ENPP1: variants seen among roughly 807,000 people sequenced by gnomAD.
ENPP1 encodes the protein ectonucleotide pyrophosphatase/phosphodiesterase 1.
ENPP1 carries 73 observed loss-of-function variants against 122.8 expected under a neutral mutation model. The observed-to-expected ratio is 0.59, with a 90% confidence interval of 0.49 to 0.72. ENPP1 has a LOEUF of 0.72. Among genes scored for constraint, ENPP1 ranks in the 30% least tolerant of loss-of-function variants. The pLI, the probability that ENPP1 is intolerant of heterozygous loss-of-function variation, is 0.00. For synonymous variants in ENPP1, 367 were observed against 391.6 expected, an observed-to-expected ratio of 0.94 and a Z score of 0.74; for missense variants, 978 against 1,128.1, an observed-to-expected ratio of 0.87 and a Z score of 1.91.
intron 14 of ENPP1, 43 bp downstream of exon 14, chr6:131,872,144 G>T (rs747540350): frequency 7.6e-7 from 1 of 1,318,016 alleles, no homozygotes; most frequent in Non-Finnish European, 1.1e-6. Flanking sequence ...TTTTACTTTT[G>T]TATAATATAT....
chr6:131,892,593 C>T lies in ENPP1; in HGVS notation c.*2082C>T, dbSNP rs1244529422. The T allele has an allele frequency of 6.6e-6, 1 of 152,200 alleles. No homozygotes were observed. The highest frequency in any genetic ancestry group is 1.5e-5 in the Non-Finnish European group (1 of 68,064). 9.4% of individuals were successfully genotyped at this position (152,200 alleles called of 1,614,324 possible). On this transcript the variant is annotated 3_prime_UTR_variant, in exon 25 of 25. Transcript: ENST00000647893. ...TAGCCTACACAGCCTTCTCCGACAC[C>T]ACTCTGGAGTTGTATTCTTCCAGCA...
intron 17 of ENPP1, among the ~76,000 whole-genome samples, chr6:131,876,311 T>C (rs189023237): frequency 3.3e-5 from 5 of 152,086 alleles, no homozygotes; most frequent in Non-Finnish European, 5.9e-5. Context: ...AGATTCTTGG[T>C]TTACTTTGTA....
At position 131,885,056 on chromosome 6, in the gene ENPP1, C is replaced by T. The variant is rs1585843981; in HGVS notation, c.2437C>T (p.Leu813=). The T allele has an allele frequency of 3.1e-6, 5 of 1,613,924 alleles. No homozygotes were observed. In the East Asian group the frequency reaches 1.1e-4, roughly 36 times the overall value. The change falls in exon 23 of 25, where the codon CTG becomes TTG. Residue 813 remains leucine (L), a synonymous_variant. Transcript: ENST00000647893. ...TGGACGTTGTGATTCCTTAGAGAAT[C>T]TGAGGCAGTAAGAACATATTTCATT... ...YDGRCDSLEN[L]RQKRRVIRNQ... is the part of the protein sequence containing the mutation.
chr6:131,846,367 C>T (rs530916192), intron 1 of ENPP1, among the ~76,000 whole-genome samples: 2 of 152,306 alleles, frequency 1.3e-5, no homozygotes, highest in East Asian at 3.9e-4. Context: ...TTATCTGCCA[C>T]CTTCCATGTG....
At chr6:131,852,093 A>G in intron 4 of ENPP1, 82 bp from the exon 5 acceptor site, 1 of 907,758 alleles carries the variant, frequency 1.1e-6, no homozygotes, top group Non-Finnish European at 1.8e-6. Flanking sequence ...TGTTTTTGGA[A>G]TCTGTCTTAA....
At chr6:131,860,294 C>T in intron 7 of ENPP1, 93 bp from the exon 8 acceptor site, 2 of 965,734 alleles carry the variant, frequency 2.1e-6, no homozygotes, top group Non-Finnish European at 3.2e-6. Context: ...CATGTAGCTT[C>T]AGTTATCGGT....
chr6:131,883,238 G>T (rs185482993), intron 21 of ENPP1, among the ~76,000 whole-genome samples: 1 of 152,180 alleles, frequency 6.6e-6, no homozygotes, highest in Non-Finnish European at 1.5e-5. Flanking sequence ...AAATAGACCA[G>T]GTCCAAGCCT....
rs1258312514 is a variant in ENPP1 at position 131,886,668 on chromosome 6, CTAGACACCT to C, written c.2555_2563del (p.Asp852_Leu854del). ...TCAGACGCCTTTGCACTGTGAAAAC[CTAGACACCT>C]TAGCTTTCATTTTGCCTCACAGGAC... On this transcript the variant is annotated inframe_deletion, in exon 24 of 25. Transcript: ENST00000647893. 1 of 1,614,036 alleles carries C rather than the reference CTAGACACCT, an allele frequency of 6.2e-7. No individual in the cohort carries two copies. The highest frequency in any genetic ancestry group is 1.7e-5 in the Admixed American group (1 of 60,026).
intron 18 of ENPP1, chr6:131,877,672 T>C (rs1210251357): frequency 6.5e-6 from 1 of 153,152 alleles, no homozygotes; most frequent in Non-Finnish European, 1.4e-5. Flanking sequence ...ATAAAAATAC[T>C]AGACAAGTTA....
rs1265548384 is a variant in ENPP1 at position 131,891,662 on chromosome 6, A to G, written c.*1151A>G. On this transcript the variant is annotated 3_prime_UTR_variant, in exon 25 of 25. Transcript: ENST00000647893. ...ATTTTTATATGTCCTTCGTGTGACC[A>G]TTCTTCAACGGCCTAAGGGCCAGCT... 6.6e-6 allele frequency: 1 copy of G among 151,878 alleles called. No homozygotes were observed. Among genetic ancestry groups the G allele is most frequent in the East Asian group, 1.9e-4 (1 of 5,176 alleles). 9.4% of individuals were successfully genotyped at this position (151,878 alleles called of 1,614,324 possible).
intron 15 of ENPP1, 58 bp downstream of exon 15, chr6:131,873,108 A>G: frequency 6.4e-7 from 1 of 1,573,124 alleles, no homozygotes; most frequent in East Asian, 2.2e-5. Context: ...ATTCAGGGTA[A>G]CCATTGGGCC....
rs1214036355 is a variant in ENPP1 at position 131,850,125 on chromosome 6, A to G, written c.430+19A>G. The stretch of plus-strand genomic sequence containing the variant: ...GAACCAGGTAAGGATGAGCAGGGAA[A>G]AAAGTGGAGTTATGGTCATTAGGAA... On this transcript the variant is annotated intron_variant, in intron 3 of 24. Transcript: ENST00000647893. 1 of 1,473,284 alleles carries G rather than the reference A, an allele frequency of 6.8e-7. No homozygotes were observed. The allele number at this position is 1,473,284 out of a possible 1,614,324, so 91.3% of individuals were successfully genotyped here.
At chr6:131,810,259 A>G (rs1781331843) in intron 1 of ENPP1, among the ~76,000 whole-genome samples, 1 of 152,160 alleles carries the variant, frequency 6.6e-6, no homozygotes, top group African/African-American at 2.4e-5. Flanking sequence ...TGGGAGGCTG[A>G]CATGGGAGGT....
At chr6:131,827,697 T>G (rs1197498851) in intron 1 of ENPP1, 1 of 661,378 alleles carries the variant, frequency 1.5e-6, no homozygotes, top group South Asian at 1.5e-5. Context: ...ATCTTCTCAC[T>G]TTTTCAAAGA....
chr6:131,882,506 T>G (rs1424950251), intron 21 of ENPP1, 32 bp downstream of exon 21: 1 of 1,558,670 alleles, frequency 6.4e-7, no homozygotes, highest in Admixed American at 1.7e-5. Flanking sequence ...CCTTCCCTTT[T>G]CTCCTTTTTG....
At chr6:131,847,697 C>T (rs750741300) in intron 1 of ENPP1, 79 bp from the exon 2 acceptor site, 3 of 1,006,430 alleles carry the variant, frequency 3.0e-6, no homozygotes, top group Middle Eastern at 3.0e-4. Flanking sequence ...CAGAGTAAGA[C>T]ACTATCTCTA....
chr6:131,862,991 C>A (rs1433025626), intron 9 of ENPP1, among the ~76,000 whole-genome samples: 1 of 152,004 alleles, frequency 6.6e-6, no homozygotes, highest in Non-Finnish European at 1.5e-5. Context: ...AATTCCTTCC[C>A]AAGGTTATTT....
intron 1 of ENPP1, among the ~76,000 whole-genome samples, chr6:131,814,631 T>C (rs904491381): frequency 6.6e-6 from 1 of 152,180 alleles, no homozygotes; most frequent in Non-Finnish European, 1.5e-5. Context: ...CTCTAGAATA[T>C]GGAAGGAAGA....
intron 11 of ENPP1, 66 bp from the exon 12 acceptor site, chr6:131,867,952 A>T (rs1782111784): frequency 1.0e-6 from 1 of 996,466 alleles, no homozygotes; most frequent in African/African-American, 1.6e-5. Flanking sequence ...TAACAGAGAT[A>T]GCTTTATGTA....
Sources: gnomAD v4.1 joint callset for allele counts (sites outside exome capture counted in the v4.1 genomes callset) on GRCh38, gnomAD v4.1.1 for gene constraint, MANE v1.5 for transcripts, NCBI Gene and HGNC (gene_info 2026-07-23, HGNC 2026-07-21) for gene names.